NCOA2: variants seen among roughly 807,000 people sequenced by gnomAD.
NCOA2 encodes nuclear receptor coactivator 2.
Under a neutral mutation model 145.1 loss-of-function variants are expected in NCOA2, and 21 were observed. The ratio of observed to expected loss-of-function variants is 0.14; its 90% CI spans 0.10 to 0.21. The LOEUF (loss-of-function observed/expected upper bound fraction) is 0.21. Among genes scored for constraint, NCOA2 ranks in the 10% least tolerant of loss-of-function variants. The probability of loss-of-function intolerance (pLI) is 1.00; values close to 1 mark genes in which losing one functional copy is unlikely to be tolerated. For missense variants in NCOA2, 1,472 were observed against 1,837.6 expected, an observed-to-expected ratio of 0.80 and a Z score of 3.64; for synonymous variants, 619 against 637.5, an observed-to-expected ratio of 0.97 and a Z score of 0.44.
At chr8:70,405,261 G>A (rs913954181), upstream of NCOA2, among the ~76,000 whole-genome samples, 14 of 151,816 alleles carry the variant, frequency 9.2e-5, no homozygotes, top group Middle Eastern at 3.2e-3. Context: ...AAATGTGTGG[G>A]GTGTGTGTGT....
At chr8:70,256,903 C>T (rs1823682355) in intron 2 of NCOA2, among the ~76,000 whole-genome samples, 2 of 152,268 alleles carry the variant, frequency 1.3e-5, no homozygotes, top group South Asian at 4.1e-4. Context: ...TTTCATCCTC[C>T]CCTTTTAGAG....
At position 70,398,598 on chromosome 8, in the gene NCOA2, C is replaced by T. The variant is rs11997710; in HGVS notation, c.-77+5102G>A. Among the ~76,000 whole-genome samples, 1,414 of 152,340 alleles carry T rather than the reference C, an allele frequency of 9.3e-3. 21 individuals carry two copies. The highest frequency in any genetic ancestry group is 0.032 in the African/African-American group (1,313 of 41,572). On this transcript the variant is annotated intron_variant, in intron 1 of 22. Coordinates refer to ENST00000452400, the MANE Select transcript of NCOA2 (RefSeq NM_006540.4). ...TTAACAGGCTAATTTCAATTCTCCA[C>T]GTTATCTGTCAGCTGACGCCTAGTC...
At chr8:70,352,529 G>A (rs1180616439) in intron 1 of NCOA2, among the ~76,000 whole-genome samples, 1 of 152,064 alleles carries the variant, frequency 6.6e-6, no homozygotes, top group Admixed American at 6.6e-5. Context: ...AATTACTTGT[G>A]CAATTTTTTC....
intron 1 of NCOA2, among the ~76,000 whole-genome samples, chr8:70,382,542 A>G (rs1157390571): frequency 6.6e-6 from 1 of 152,228 alleles, no homozygotes; most frequent in Non-Finnish European, 1.5e-5. Context: ...AGTTTTATCT[A>G]GATACAAACA....
chr8:70,423,467 G>T, the NCOA2 span, among the ~76,000 whole-genome samples: 35 of 152,274 alleles, frequency 2.3e-4, no homozygotes, highest in Admixed American at 9.2e-4. Flanking sequence ...GAGCCACCGC[G>T]CCTGGGCTTT....
chr8:70,449,802 C>T, the NCOA2 span, among the ~76,000 whole-genome samples: 1 of 152,202 alleles, frequency 6.6e-6, no homozygotes, highest in Non-Finnish European at 1.5e-5. Context: ...CAGGAAAGCA[C>T]CTGTCCTCAC....
intron 1 of NCOA2, among the ~76,000 whole-genome samples, chr8:70,299,608 G>A (rs1044375871): frequency 2.6e-5 from 4 of 152,132 alleles, no homozygotes; most frequent in African/African-American, 9.7e-5. Context: ...TAGGAAAATG[G>A]AAATTGAAAC....
At chr8:70,251,665 T>C (rs946997052) in intron 2 of NCOA2, among the ~76,000 whole-genome samples, 1 of 152,254 alleles carries the variant, frequency 6.6e-6, no homozygotes, top group African/African-American at 2.4e-5. Flanking sequence ...CTTCCAAAAA[T>C]GCCAAAGGCT....
intron 4 of NCOA2, among the ~76,000 whole-genome samples, chr8:70,176,609 A>G (rs1814881854): frequency 6.6e-6 from 1 of 152,178 alleles, no homozygotes; most frequent in Non-Finnish European, 1.5e-5. Flanking sequence ...TCATTGCCAA[A>G]TAGACTCACA....
chr8:70,166,283 G>A (rs1170469212), intron 7 of NCOA2, among the ~76,000 whole-genome samples: 1 of 152,040 alleles, frequency 6.6e-6, no homozygotes, highest in Non-Finnish European at 1.5e-5. Context: ...TAAAACTCCC[G>A]CCCCCTAGCT....
At chr8:70,323,616 G>A (rs186760072) in intron 1 of NCOA2, among the ~76,000 whole-genome samples, 8 of 151,852 alleles carry the variant, frequency 5.3e-5, no homozygotes, top group African/African-American at 1.9e-4. Flanking sequence ...ATTATTGAAG[G>A]GGGGGAGATT....
intron 2 of NCOA2, among the ~76,000 whole-genome samples, chr8:70,287,372 G>A (rs1484916772): frequency 6.6e-6 from 1 of 151,974 alleles, no homozygotes; most frequent in Non-Finnish European, 1.5e-5. Context: ...TGGAACAAAA[G>A]AATGTACTCT....
At chr8:70,347,122 G>T (rs1003565166) in intron 1 of NCOA2, among the ~76,000 whole-genome samples, 1 of 152,096 alleles carries the variant, frequency 6.6e-6, no homozygotes, top group East Asian at 1.9e-4. Context: ...TATCCACGTT[G>T]AATTTACACA....
At chr8:70,412,296 A>C in the NCOA2 span, among the ~76,000 whole-genome samples, 1 of 151,890 alleles carries the variant, frequency 6.6e-6, no homozygotes, top group Non-Finnish European at 1.5e-5. Context: ...ATAAAAATAG[A>C]AAATAAAAGA....
At chr8:70,195,221 C>T (rs1439553726) in intron 4 of NCOA2, among the ~76,000 whole-genome samples, 1 of 152,182 alleles carries the variant, frequency 6.6e-6, no homozygotes, top group Non-Finnish European at 1.5e-5. Flanking sequence ...TTTGCTAGTA[C>T]ATAAGGATGG....
intron 1 of NCOA2, among the ~76,000 whole-genome samples, chr8:70,378,743 T>TAAAAAA (rs10672044): frequency 1.5e-4 from 17 of 109,844 alleles, no homozygotes; most frequent in East Asian, 1.5e-3. Context: ...TAGGCTATGC[T>TAAAAAA]AAAAAAAAAA....
chr8:70,223,705 T>C (rs1363712294), intron 2 of NCOA2, among the ~76,000 whole-genome samples: 1 of 152,174 alleles, frequency 6.6e-6, no homozygotes, highest in Non-Finnish European at 1.5e-5. Flanking sequence ...AACAGCCTGA[T>C]TATCACCATT....
intron 1 of NCOA2, among the ~76,000 whole-genome samples, chr8:70,390,168 A>C (rs1439327903): frequency 6.6e-6 from 1 of 152,166 alleles, no homozygotes; most frequent in Non-Finnish European, 1.5e-5. Flanking sequence ...TAATATCTGC[A>C]TTATTTTTAA....
At chr8:70,185,690 C>T (rs1245496974) in intron 4 of NCOA2, among the ~76,000 whole-genome samples, 1 of 152,196 alleles carries the variant, frequency 6.6e-6, no homozygotes, top group East Asian at 1.9e-4. Context: ...CCACTCAAAT[C>T]TCCCACAGGC....
Sources: allele counts gnomAD v4.1 joint callset (sites outside exome capture counted in the v4.1 genomes callset), GRCh38; gene constraint gnomAD v4.1.1; transcripts MANE v1.5; gene names NCBI Gene and HGNC (gene_info 2026-07-23, HGNC 2026-07-21).